The following COL18A1 variants were observed in gnomAD, a reference collection of about 807,000 sequenced individuals.
COL18A1 encodes collagen type XVIII alpha 1 chain.
COL18A1 carries 133 observed loss-of-function variants against 168.0 expected under a neutral mutation model. The ratio of observed to expected loss-of-function variants is 0.79; its 90% CI spans 0.69 to 0.91. COL18A1 has a LOEUF of 0.91. COL18A1 is among the 40% of genes least tolerant of loss of function. The pLI is 0.00. For synonymous variants in COL18A1, 949 were observed against 809.0 expected, an observed-to-expected ratio of 1.17 and a Z score of -2.94; for missense variants, 2,126 against 1,925.4, an observed-to-expected ratio of 1.10 and a Z score of -1.95.
chr21:45,479,541 A>G (rs535435210), intron 9 of COL18A1, among the ~76,000 whole-genome samples: 3 of 150,806 alleles, frequency 2.0e-5, no homozygotes, highest in Non-Finnish European at 3.0e-5. Context: ...GCACACTCAC[A>G]CATCACACAT....
chr21:45,505,761 A>C, intron 36 of COL18A1, 77 bp from the exon 37 acceptor site: 1 of 1,174,102 alleles, frequency 8.5e-7, no homozygotes, highest in Non-Finnish European at 1.2e-6. Context: ...AGCACCCTGA[A>C]ACGGGCATTC....
intron 2 of COL18A1, among the ~76,000 whole-genome samples, chr21:45,435,667 A>G (rs1253435696): frequency 6.6e-6 from 1 of 152,074 alleles, no homozygotes; most frequent in Non-Finnish European, 1.5e-5. Flanking sequence ...GCGTTTGCCC[A>G]CTGGGGTAGA....
At chr21:45,486,191 G>C (rs2036103337) in intron 15 of COL18A1, among the ~76,000 whole-genome samples, 1 of 152,192 alleles carries the variant, frequency 6.6e-6, no homozygotes, top group Admixed American at 6.5e-5. Flanking sequence ...CGCAATGCCT[G>C]TGTCTACCCT....
Position 45,414,117 on chromosome 21 carries a change from C to T in COL18A1, c.106+8644C>T, listed in dbSNP as rs1286854690. ...TTCTGTATTGGATGCACCGCCTGGCCCCAGGCCCTCCTGCCCAGCCTTGTG... is the reference window on the plus strand; with the variant it reads ...TTCTGTATTGGATGCACCGCCTGGCTCCAGGCCCTCCTGCCCAGCCTTGTG... On this transcript the variant is annotated intron_variant, in intron 2 of 41. Transcript: ENST00000651438. 3.9e-5 allele frequency among the ~76,000 whole-genome samples: 6 copies of T among 152,186 alleles called. No individual in the cohort carries two copies. The East Asian group carries it at 1.2e-3, about 29-fold the overall frequency.
intron 32 of COL18A1, among the ~76,000 whole-genome samples, chr21:45,499,173 T>C (rs1316865458): frequency 6.6e-6 from 1 of 152,204 alleles, no homozygotes; most frequent in East Asian, 1.9e-4. Context: ...CAATTGCCAG[T>C]GTAGACTCCG....
intron 2 of COL18A1, among the ~76,000 whole-genome samples, chr21:45,419,187 G>A (rs190206680): frequency 6.6e-6 from 1 of 152,260 alleles, no homozygotes; most frequent in African/African-American, 2.4e-5. Context: ...ACGTGATTCC[G>A]TGTAGTAAGG....
chr21:45,504,514 CCCCCCAG>C lies in COL18A1; in HGVS notation c.2827_2833del (p.Pro943AlafsTer86). 5.5e-5 allele frequency: 1 copy of C among 18,134 alleles called. No individual in the cohort carries two copies. The highest frequency in any genetic ancestry group is 2.6e-3 in the South Asian group (1 of 382). 1.1% of individuals were successfully genotyped at this position (18,134 alleles called of 1,614,324 possible). On this transcript the variant is annotated frameshift_variant, in exon 34 of 42. Transcript: ENST00000651438. LOFTEE classifies it high-confidence loss of function. ...GCTCCAGCCTGCCCGGCCCCCCCGG[CCCCCCAG>C]GCCCCCCAGGCCCACGTGGCTACCC...
chr21:45,493,233 GCTCAGGTGCTGTCC>G lies in COL18A1; in HGVS notation c.2277+13_2277+26del, dbSNP rs774990066. 1.9e-6 allele frequency: 3 copies of G among 1,554,704 alleles called. No homozygotes were observed. Among genetic ancestry groups the G allele is most frequent in the East Asian group, 4.8e-5 (2 of 41,308 alleles). On this transcript the variant is annotated intron_variant, in intron 25 of 41. Transcript: ENST00000651438. ...GGCTCCCCGGGACCCAAGGTAAGGGGCTCAGGTGCTGTCCCTCAACCCCCTTTGTGACCCAGGGG... is the reference window on the plus strand; with the variant it reads ...GGCTCCCCGGGACCCAAGGTAAGGGGCTCAACCCCCTTTGTGACCCAGGGG...
chr21:45,477,334 G>T, intron 6 of COL18A1, 77 bp from the exon 7 acceptor site: 1 of 1,203,346 alleles, frequency 8.3e-7, no homozygotes, highest in East Asian at 2.5e-5. Context: ...GGGCTGCCGG[G>T]GCCGTCTGGG....
In COL18A1 at chr21:45,474,250, A is replaced by AGTGT. The variant is rs540917328; in HGVS notation, c.738+280_738+283dup. ...CAGAGGATGTGAGGCAGCTCAGCAA[A>AGTGT]GTGTGTGTGTGTGTCTGTGTCTGTG... is the stretch of plus-strand genomic sequence containing the variant. On this transcript the variant is annotated intron_variant, in intron 4 of 41. Coordinates refer to ENST00000651438, the MANE Select transcript of COL18A1 (RefSeq NM_001379500.1). 7.2e-4 allele frequency among the ~76,000 whole-genome samples: 109 copies of AGTGT among 151,168 alleles called. 1 individual carries two copies. Among genetic ancestry groups the AGTGT allele is most frequent in the African/African-American group, 2.3e-3 (96 of 40,986 alleles).
In COL18A1 at chr21:45,505,296, G is replaced by A; in HGVS notation, c.3013+18G>A. On this transcript the variant is annotated intron_variant, in intron 35 of 41. Coordinates refer to ENST00000651438, the MANE Select transcript of COL18A1 (RefSeq NM_001379500.1). ...CAGGCAGAGTAAGTCAGTGGGGAGTGGGCCCCGGGCAGAGGCCGCCTCGTG... is the reference window on the plus strand; with the variant it reads ...CAGGCAGAGTAAGTCAGTGGGGAGTAGGCCCCGGGCAGAGGCCGCCTCGTG... 1 of 1,606,282 alleles carries A rather than the reference G, an allele frequency of 6.2e-7. No homozygotes were observed. Among genetic ancestry groups the A allele is most frequent in the South Asian group, 1.1e-5 (1 of 90,810 alleles).
chr21:45,487,170 C>T lies in COL18A1; in HGVS notation c.1833+178C>T, dbSNP rs115843278. Among the ~76,000 whole-genome samples the T allele has an allele frequency of 0.025, 3,861 of 152,344 alleles. 74 individuals carry two copies. Among genetic ancestry groups the T allele is most frequent in the African/African-American group, 0.052 (2,152 of 41,582 alleles). ...GGGCTCGAGTCTCTCGCCCGTCGCC[C>T]GTGCCCCACGGTGCTGATGGGGATC... On this transcript the variant is annotated intron_variant, in intron 16 of 41. Coordinates refer to ENST00000651438, the MANE Select transcript of COL18A1 (RefSeq NM_001379500.1).
chr21:45,476,841 G>A (rs1397874881), intron 6 of COL18A1, among the ~76,000 whole-genome samples: 7 of 150,692 alleles, frequency 4.6e-5, no homozygotes, highest in African/African-American at 1.5e-4. Context: ...TGTGTTGTAT[G>A]TGATGTGTAG....
chr21:45,413,927 A>G (rs1195001048), intron 2 of COL18A1, among the ~76,000 whole-genome samples: 2 of 152,148 alleles, frequency 1.3e-5, no homozygotes, highest in Admixed American at 6.5e-5. Context: ...GAGCTGGTCC[A>G]TGGAGCTGGG....
intron 32 of COL18A1, among the ~76,000 whole-genome samples, chr21:45,499,242 C>T (rs1213453355): frequency 6.6e-6 from 1 of 152,080 alleles, no homozygotes; most frequent in Non-Finnish European, 1.5e-5. Context: ...CCAGCCACTC[C>T]AGACCCGAGC....
intron 23 of COL18A1, 21 bp downstream of exon 23, chr21:45,492,585 T>TA: frequency 2.5e-6 from 4 of 1,613,026 alleles, no homozygotes; most frequent in Non-Finnish European, 3.4e-6. Context: ...GCCCAGCTTC[T>TA]AAGAGACGGG....
Position 45,512,637 on chromosome 21 carries a change from G to A in COL18A1, c.*239G>A, listed in dbSNP as rs2037679254. The A allele has an allele frequency of 3.5e-6, 2 of 578,038 alleles. No homozygotes were observed. Among genetic ancestry groups the A allele is most frequent in the Admixed American group, 6.0e-5 (2 of 33,346 alleles). 35.8% of individuals were successfully genotyped at this position (578,038 alleles called of 1,614,324 possible). ...CTGCCCCAACTCTCCCCTGACCTGTGAGCCCAGCTGGGTCAGGCAGGGTGC... is the reference window on the plus strand; with the variant it reads ...CTGCCCCAACTCTCCCCTGACCTGTAAGCCCAGCTGGGTCAGGCAGGGTGC... On this transcript the variant is annotated 3_prime_UTR_variant, in exon 42 of 42. Transcript: ENST00000651438.
Position 45,505,927 on chromosome 21 carries a change from G to C in COL18A1, c.3177G>C (p.Glu1059Asp). ...GWLIFVAEQE[E>D]LYVRVQNGFR... ...TCATCTTCGTGGCCGAGCAGGAGGA[G>C]CTCTACGTCCGCGTGCAGAACGGGT... The change falls in exon 37 of 42, where the codon GAG becomes GAC. Residue 1059 changes from glutamate to aspartate, a missense_variant. Transcript: ENST00000651438. The C allele has an allele frequency of 6.2e-7, 1 of 1,613,220 alleles. No homozygotes were observed. Among genetic ancestry groups the C allele is most frequent in the Non-Finnish European group, 8.5e-7 (1 of 1,179,976 alleles).
At chr21:45,509,935 G>T in intron 39 of COL18A1, 129 bp from the exon 40 acceptor site, 1 of 1,081,420 alleles carries the variant, frequency 9.2e-7, no homozygotes, top group Non-Finnish European at 1.3e-6. Context: ...TGTGTCACTT[G>T]CGCGCCTCCC....
Sources: allele counts gnomAD v4.1 joint callset (sites outside exome capture counted in the v4.1 genomes callset), GRCh38; gene constraint gnomAD v4.1.1; transcripts MANE v1.5; gene names NCBI Gene and HGNC (gene_info 2026-07-23, HGNC 2026-07-21).